SPTBN2: variants seen among roughly 807,000 people sequenced by gnomAD.
SPTBN2 encodes the protein spectrin beta chain, non-erythrocytic 2.
SPTBN2 carries 107 observed loss-of-function variants against 284.2 expected under a neutral mutation model. The ratio of observed to expected loss-of-function variants is 0.38; its 90% CI spans 0.32 to 0.44. The LOEUF (loss-of-function observed/expected upper bound fraction) is 0.44. Among genes scored for constraint, SPTBN2 ranks in the 20% least tolerant of loss-of-function variants. SPTBN2 has a pLI of 1.00. For missense variants in SPTBN2, 2,569 were observed against 3,287.1 expected (o/e 0.78, Z 5.34); for synonymous variants, 1,289 against 1,354.8 (o/e 0.95, Z 1.07).
rs747771442 is a variant in SPTBN2 at position 66,685,983 on chromosome 11, G to A, written c.7061C>T (p.Thr2354Ile). 6.2e-7 allele frequency: 1 copy of A among 1,613,830 alleles called. No homozygotes were observed. Among genetic ancestry groups the A allele is most frequent in the South Asian group, 1.1e-5 (1 of 91,080 alleles). Residue 2354 changes from threonine (T) to isoleucine (I), a missense_variant, in exon 38 of 38, where the codon ACC becomes ATC. Thr to Ile is a moderately conservative substitution (Grantham distance 89, BLOSUM62 -1). Coordinates refer to ENST00000533211, the MANE Select transcript of SPTBN2 (RefSeq NM_006946.4). This position sits in a 1 kb window ranked among gnomAD's most constrained non-coding sequence, Gnocchi z 4.4. ...CCCGACGGGTGACACTGGGGGCATGGTCATGGCCCGGGTCATGCCCCGGGT... is the reference window on the plus strand; with the variant it reads ...CCCGACGGGTGACACTGGGGGCATGATCATGGCCCGGGTCATGCCCCGGGT... Reference protein sequence around the residue: ...STTRGMTRAMTMPPVSPVGAE... With the variant: ...STTRGMTRAMIMPPVSPVGAE...
upstream of SPTBN2, among the ~76,000 whole-genome samples, chr11:66,730,848 T>A (rs1394798624): frequency 6.6e-6 from 1 of 152,232 alleles, no homozygotes; most frequent in Non-Finnish European, 1.5e-5. Context: ...CAGACTGATG[T>A]TCAGACACCT....
At chr11:66,742,738 T>C (rs771108369) in intron 1 of SPTBN2, among the ~76,000 whole-genome samples, 21 of 152,132 alleles carry the variant, frequency 1.4e-4, no homozygotes, top group South Asian at 6.2e-4. Context: ...GCCTCCCAGG[T>C]AGCTGGGACT....
intron 1 of SPTBN2, among the ~76,000 whole-genome samples, chr11:66,738,312 G>T (rs1217768576): frequency 6.6e-6 from 1 of 152,060 alleles, no homozygotes; most frequent in Admixed American, 6.6e-5. Context: ...TTTCTGGGAG[G>T]ATTTTCCTAT....
Position 66,692,248 on chromosome 11 carries a change from T to A in SPTBN2, c.5190+288A>T, listed in dbSNP as rs551283167. Among the ~76,000 whole-genome samples the A allele has an allele frequency of 4.5e-3, 677 of 151,876 alleles. 6 individuals carry two copies. Among genetic ancestry groups the A allele is most frequent in the African/African-American group, 0.015 (613 of 41,390 alleles). ...GCTGTGCCTGGCTAATAAAAAAAAA[T>A]TTTTTTTGTAGAGATGGGGGGTCTC... On this transcript the variant is annotated intron_variant, in intron 26 of 37. Transcript: ENST00000533211.
intron 3 of SPTBN2, among the ~76,000 whole-genome samples, chr11:66,717,206 G>A (rs1942188666): frequency 6.6e-6 from 1 of 152,090 alleles, no homozygotes; most frequent in African/African-American, 2.4e-5. Flanking sequence ...ACAGGGGAGG[G>A]GAGCTACTGA....
At position 66,699,503 on chromosome 11, in the gene SPTBN2, G is replaced by A. The variant is rs766811381; in HGVS notation, c.3679C>T (p.Arg1227Trp). The change falls in exon 18 of 38, where the codon CGG (arginine) becomes TGG (tryptophan). Residue 1227 changes from arginine to tryptophan, a missense_variant. Coordinates refer to ENST00000533211, the MANE Select transcript of SPTBN2 (RefSeq NM_006946.4). Reference sequence around the variant, plus strand: ...CCAGCCTCCAGGAGCCCGTGGATCCGTTCCCCATTGGCGTCCATGGTGCTC... The same window carrying A: ...CCAGCCTCCAGGAGCCCGTGGATCCATTCCCCATTGGCGTCCATGGTGCTC... Reference protein sequence around the residue: ...FMSTMDANGERIHGLLEAGRQ... With the variant: ...FMSTMDANGEWIHGLLEAGRQ... The A allele has an allele frequency of 3.7e-5, 59 of 1,614,130 alleles. No individual in the cohort carries two copies. Among genetic ancestry groups the A allele is most frequent in the Non-Finnish European group, 4.8e-5 (57 of 1,180,028 alleles).
At chr11:66,731,842 G>A (rs1357942713), upstream of SPTBN2, among the ~76,000 whole-genome samples, 1 of 152,196 alleles carries the variant, frequency 6.6e-6, no homozygotes, top group African/African-American at 2.4e-5. Flanking sequence ...GGGATCTGGG[G>A]ATATAATGAT....
Position 66,708,871 on chromosome 11 carries a change from G to C in SPTBN2, c.1191+31C>G, listed in dbSNP as rs766659287. ...AGGCATCTGGGCCAGGGCCTGCCCTGAGGGTGGGTGGCCTGTGGGCAGCCA... is the reference window on the plus strand; with the variant it reads ...AGGCATCTGGGCCAGGGCCTGCCCTCAGGGTGGGTGGCCTGTGGGCAGCCA... On this transcript the variant is annotated intron_variant, in intron 11 of 37. Coordinates refer to ENST00000533211, the MANE Select transcript of SPTBN2 (RefSeq NM_006946.4). The surrounding 1 kb of genome is among the most constrained non-coding windows in gnomAD (Gnocchi z 4.4). 1 of 1,587,816 alleles carries C rather than the reference G, an allele frequency of 6.3e-7. No individual in the cohort carries two copies. The highest frequency in any genetic ancestry group is 8.6e-7 in the Non-Finnish European group (1 of 1,156,468).
rs1445407099 is a variant in SPTBN2 at position 66,728,845 on chromosome 11, C to T, written c.-218G>A. ...GGTTTCCCGAGATCCAGCCTCCGTT[C>T]CCCTTTCCTCTCCGGGCACCTCCAG... On this transcript the variant is annotated 5_prime_UTR_variant, in exon 1 of 38. Transcript: ENST00000533211. The T allele has an allele frequency of 6.6e-6, 1 of 152,200 alleles. No individual in the cohort carries two copies. The highest frequency in any genetic ancestry group is 1.5e-5 in the Non-Finnish European group (1 of 68,030). 9.4% of individuals were successfully genotyped at this position (152,200 alleles called of 1,614,324 possible). A position where few individuals can be genotyped will look rare whatever the true frequency, so the allele number is the denominator to read the frequency against.
intron 17 of SPTBN2, 146 bp from the exon 18 acceptor site, chr11:66,699,754 G>C: frequency 1.2e-6 from 1 of 846,270 alleles, no homozygotes; most frequent in Non-Finnish European, 1.9e-6. Flanking sequence ...CAGGGAGGCT[G>C]CCAGCCAGCA....
Position 66,683,592 on chromosome 11 carries a change from G to A in SPTBN2, c.*2279C>T, listed in dbSNP as rs930194725. ...TCCTGTTCTTAAGGAATCATGCCCTGAAGTCCTGCTGCCGCATATGCAGAT... is the reference window on the plus strand; with the variant it reads ...TCCTGTTCTTAAGGAATCATGCCCTAAAGTCCTGCTGCCGCATATGCAGAT... On this transcript the variant is annotated 3_prime_UTR_variant, in exon 38 of 38. Coordinates refer to ENST00000533211, the MANE Select transcript of SPTBN2 (RefSeq NM_006946.4). Among the ~76,000 whole-genome samples the A allele has an allele frequency of 2.0e-5, 3 of 152,162 alleles. No individual in the cohort carries two copies. Among genetic ancestry groups the A allele is most frequent in the Admixed American group, 6.5e-5 (1 of 15,278 alleles).
chr11:66,744,654 C>CGGTCTCGG (rs1489829643), exon 1 of SPTBN2: 53 of 431,270 alleles, frequency 1.2e-4, no homozygotes, highest in Non-Finnish European at 1.7e-4. Context: ...CGGCGGTTCG[C>CGGTCTCGG]GGTCTCGGGG....
rs930194725 is a variant in SPTBN2, at chr11:66,683,592, G to T, written c.*2279C>A. Among the ~76,000 whole-genome samples, 1 of 152,162 alleles carries T rather than the reference G, an allele frequency of 6.6e-6. No individual in the cohort carries two copies. Among genetic ancestry groups the T allele is most frequent in the East Asian group, 1.9e-4 (1 of 5,190 alleles). On this transcript the variant is annotated 3_prime_UTR_variant, in exon 38 of 38. Transcript: ENST00000533211. ...TCCTGTTCTTAAGGAATCATGCCCT[G>T]AAGTCCTGCTGCCGCATATGCAGAT...
chr11:66,704,548 C>T (rs3741359), intron 15 of SPTBN2, 50 bp downstream of exon 15: 8 of 1,575,370 alleles, frequency 5.1e-6, no homozygotes, highest in Admixed American at 3.6e-5. Flanking sequence ...TCCTGGCCCC[C>T]CCACCCCCAC....
intron 1 of SPTBN2, among the ~76,000 whole-genome samples, chr11:66,722,081 T>A (rs1042847793): frequency 9.2e-5 from 14 of 152,272 alleles, no homozygotes; most frequent in African/African-American, 3.4e-4. Context: ...GTTTAGCAAG[T>A]GCCCAGGAGT....
chr11:66,737,521 G>A (rs1227154909), intron 1 of SPTBN2, among the ~76,000 whole-genome samples: 2 of 152,184 alleles, frequency 1.3e-5, no homozygotes, highest in Non-Finnish European at 2.9e-5. Flanking sequence ...GGACCAATGG[G>A]TGGAAGACAT....
chr11:66,702,081 C>T (rs1435652764), intron 15 of SPTBN2, among the ~76,000 whole-genome samples: 1 of 152,146 alleles, frequency 6.6e-6, no homozygotes. Context: ...GGGTCTCATC[C>T]CACTAATATG....
upstream of SPTBN2, among the ~76,000 whole-genome samples, chr11:66,730,285 G>A (rs1942785899): frequency 6.6e-6 from 1 of 151,996 alleles, no homozygotes; most frequent in Non-Finnish European, 1.5e-5. Context: ...CTGATGGGAT[G>A]AGAATCAGCT....
At chr11:66,727,056 T>C (rs1942642724) in intron 1 of SPTBN2, among the ~76,000 whole-genome samples, 1 of 152,182 alleles carries the variant, frequency 6.6e-6, no homozygotes, top group African/African-American at 2.4e-5. Flanking sequence ...ATCCTCCAGT[T>C]ATGGCAGATT....
Sources: allele counts gnomAD v4.1 joint callset (sites outside exome capture counted in the v4.1 genomes callset), GRCh38; gene constraint gnomAD v4.1.1; non-coding constraint Gnocchi (gnomAD v3.1); transcripts MANE v1.5; gene names NCBI Gene and HGNC (gene_info 2026-07-23, HGNC 2026-07-21).